The following RAB40C variants were observed in gnomAD, a reference collection of about 807,000 sequenced individuals.
RAB40C encodes ras-related protein Rab-40C.
A neutral mutation model predicts 28.1 loss-of-function variants in RAB40C; 8 were observed. The observed-to-expected ratio is 0.28, with a 90% CI of 0.17 to 0.51. RAB40C has a LOEUF of 0.51. Ranked by LOEUF, RAB40C falls within the 20% of genes least tolerant of loss-of-function variation. The pLI is 0.97. For synonymous variants in RAB40C, 201 were observed against 171.7 expected (o/e 1.17, Z -1.34); for missense variants, 288 against 405.9 (o/e 0.71, Z 2.50).
chr16:620,265 C>T (rs529400224), intron 3 of RAB40C, among the ~76,000 whole-genome samples: 23 of 152,064 alleles, frequency 1.5e-4, no homozygotes, highest in Non-Finnish European at 2.6e-4. Context: ...TGGTGGCGGG[C>T]GCTTATAATC....
At chr16:619,084 G>A (rs62030915) in intron 3 of RAB40C, among the ~76,000 whole-genome samples, 4,541 of 100,770 alleles carry the variant, frequency 0.045, no homozygotes, top group East Asian at 0.076. Flanking sequence ...GGCCATGTGT[G>A]TGTGCAGGCA....
intron 1 of RAB40C, among the ~76,000 whole-genome samples, chr16:593,728 CT>C (rs773197492): frequency 6.6e-5 from 10 of 152,248 alleles, no homozygotes; most frequent in Non-Finnish European, 1.2e-4. Flanking sequence ...GTGGGAGCCC[CT>C]GTGAGCTCTT....
At chr16:595,236 G>A (rs974982608) in intron 1 of RAB40C, among the ~76,000 whole-genome samples, 4 of 152,204 alleles carry the variant, frequency 2.6e-5, no homozygotes, top group Non-Finnish European at 5.9e-5. Context: ...ACCGGTGGGC[G>A]CTTTCCGCTG....
chr16:597,928 C>T (rs1231040231), intron 1 of RAB40C, among the ~76,000 whole-genome samples: 1 of 126,112 alleles, frequency 7.9e-6, no homozygotes, highest in East Asian at 2.7e-4. Flanking sequence ...CAGTGAGACC[C>T]CATCTCTACA....
At position 628,338 on chromosome 16, in the gene RAB40C, T is replaced by G. The variant is rs1567196649; in HGVS notation, c.*716T>G. 1 of 143,826 alleles carries G rather than the reference T, an allele frequency of 7.0e-6. No homozygotes were observed. Among genetic ancestry groups the G allele is most frequent in the East Asian group, 1.9e-4 (1 of 5,184 alleles). The allele number at this position is 143,826 out of a possible 1,614,324, so 8.9% of individuals were successfully genotyped here. A position where few individuals can be genotyped will look rare whatever the true frequency, so the allele number is the denominator to read the frequency against. ...AACCTTCCTGCTGTGATGTGACACC[T>G]TCGGGGACATTGACCACTCAAAACT... On this transcript the variant is annotated 3_prime_UTR_variant, in exon 6 of 6. Coordinates refer to ENST00000248139, the MANE Select transcript of RAB40C (RefSeq NM_021168.5).
At chr16:600,808 C>T (rs973327030) in intron 1 of RAB40C, among the ~76,000 whole-genome samples, 3 of 152,220 alleles carry the variant, frequency 2.0e-5, no homozygotes, top group Non-Finnish European at 2.9e-5. Flanking sequence ...CAGTTTAACA[C>T]ATAATTCATT....
intron 4 of RAB40C, 117 bp from the exon 5 acceptor site, chr16:625,782 C>T (rs1443564738): frequency 1.3e-5 from 14 of 1,106,170 alleles, no homozygotes; most frequent in Non-Finnish European, 1.6e-5. Context: ...CTCCGCCCAC[C>T]TTGACCTCCC....
rs901055849 is a variant in RAB40C, at chr16:610,555, A to G, written c.143-6653A>G. Reference sequence around the variant, plus strand: ...ATTTTTGAAAAGACATTTCAACAGGAGGTAAAAATGAACAGCACACCAAGA... The same window carrying G: ...ATTTTTGAAAAGACATTTCAACAGGGGGTAAAAATGAACAGCACACCAAGA... On this transcript the variant is annotated intron_variant, in intron 1 of 5. Coordinates refer to ENST00000248139, the MANE Select transcript of RAB40C (RefSeq NM_021168.5). The surrounding 1 kb of genome is among the most constrained non-coding windows in gnomAD (Gnocchi z 4.6). Among the ~76,000 whole-genome samples the G allele has an allele frequency of 6.6e-6, 1 of 152,122 alleles. No homozygotes were observed.
intron 1 of RAB40C, among the ~76,000 whole-genome samples, chr16:608,893 T>G (rs1281633536): frequency 6.6e-6 from 1 of 152,088 alleles, no homozygotes. Context: ...GGTGGGCAGA[T>G]TGCTTGAGCT....
At position 610,965 on chromosome 16, in the gene RAB40C, C is replaced by T. The variant is rs925770367; in HGVS notation, c.143-6243C>T. Among the ~76,000 whole-genome samples, 12 of 152,096 alleles carry T rather than the reference C, an allele frequency of 7.9e-5. No individual in the cohort carries two copies. Among genetic ancestry groups the T allele is most frequent in the Non-Finnish European group, 1.8e-4 (12 of 68,016 alleles). ...GGCTGACTGTGCTTAGAGAACAGGC[C>T]GCTGTTTGTGTCTAAATGGTATCCA... On this transcript the variant is annotated intron_variant, in intron 1 of 5. Coordinates refer to ENST00000248139, the MANE Select transcript of RAB40C (RefSeq NM_021168.5). This position sits in a 1 kb window ranked among gnomAD's most constrained non-coding sequence, Gnocchi z 4.6.
At chr16:618,993 C>T (rs1400972018) in intron 3 of RAB40C, among the ~76,000 whole-genome samples, 1 of 82,632 alleles carries the variant, frequency 1.2e-5, no homozygotes, top group Non-Finnish European at 2.2e-5. Flanking sequence ...GTCTGGCGGA[C>T]GCACTGGGGC....
intron 1 of RAB40C, among the ~76,000 whole-genome samples, chr16:592,490 GC>G (rs1440125972): frequency 6.6e-6 from 1 of 152,188 alleles, no homozygotes; most frequent in African/African-American, 2.4e-5. Flanking sequence ...GAAGTGTAAG[GC>G]CCACTGGGGC....
At position 627,805 on chromosome 16, in the gene RAB40C, G is replaced by C. The variant is rs372552772; in HGVS notation, c.*183G>C. 1.5e-6 allele frequency: 1 copy of C among 669,254 alleles called. No homozygotes were observed. 41.5% of individuals were successfully genotyped at this position (669,254 alleles called of 1,614,324 possible). A position where few individuals can be genotyped will look rare whatever the true frequency, so the allele number is the denominator to read the frequency against. ...CATGCACGGACCAAGCGCGGCAGGC[G>C]GGAGGAGGGGGCGCGGCTGGGCTGC... is the stretch of plus-strand genomic sequence containing the variant. On this transcript the variant is annotated 3_prime_UTR_variant, in exon 6 of 6. Coordinates refer to ENST00000248139, the MANE Select transcript of RAB40C (RefSeq NM_021168.5).
In RAB40C at chr16:626,076, G is replaced by A. The variant is rs2036824202; in HGVS notation, c.520G>A (p.Val174Met). The change falls in exon 5 of 6, where the codon GTG becomes ATG. Residue 174 changes from valine (V) to methionine (M), a missense_variant. Val to Met is a conservative substitution (Grantham distance 21). This residue lies in a region of RAB40C where 153 missense variants were observed against 262.4 expected (regional missense o/e 0.58). Transcript: ENST00000248139. The part of the protein sequence containing the change: ...IESFTELSRI[V>M]LMRHGMEKIW... ...GTCCTTCACGGAGCTATCCCGCATC[G>A]TGCTCATGCGGCACGGCATGGAGAA... 4 of 1,613,268 alleles carry A rather than the reference G, an allele frequency of 2.5e-6. No homozygotes were observed. Among genetic ancestry groups the A allele is most frequent in the Non-Finnish European group, 2.5e-6 (3 of 1,179,960 alleles).
At chr16:606,861 C>T (rs1055096986) in intron 1 of RAB40C, among the ~76,000 whole-genome samples, 4 of 152,190 alleles carry the variant, frequency 2.6e-5, no homozygotes, top group South Asian at 2.1e-4. Context: ...CAGATAATCC[C>T]GGATAATCTC....
At chr16:607,052 C>T (rs1299687174) in intron 1 of RAB40C, among the ~76,000 whole-genome samples, 5 of 152,204 alleles carry the variant, frequency 3.3e-5, no homozygotes, top group East Asian at 1.9e-4. Context: ...GTCCCACTTC[C>T]GAGCCGAGGG....
chr16:591,583 T>A (rs2035999393), intron 1 of RAB40C, among the ~76,000 whole-genome samples: 1 of 151,948 alleles, frequency 6.6e-6, no homozygotes, highest in African/African-American at 2.4e-5. Flanking sequence ...TTTTGTTTTC[T>A]TTTCTTTTCT....
intron 3 of RAB40C, among the ~76,000 whole-genome samples, chr16:623,691 G>A (rs2036770124): frequency 6.6e-6 from 1 of 151,350 alleles, no homozygotes; most frequent in Non-Finnish European, 1.5e-5. Context: ...TCACACCTCT[G>A]ATCCCAGCAC....
chr16:601,981 C>T (rs887943576), intron 1 of RAB40C, among the ~76,000 whole-genome samples: 4 of 152,026 alleles, frequency 2.6e-5, no homozygotes, highest in South Asian at 2.1e-4. Context: ...TAAAAGTTAG[C>T]GGGGTGTGGT....
Sources: allele counts gnomAD v4.1 joint callset (sites outside exome capture counted in the v4.1 genomes callset), GRCh38; gene constraint gnomAD v4.1.1; regional missense constraint gnomAD v4.1.1; non-coding constraint Gnocchi (gnomAD v3.1); transcripts MANE v1.5; gene names NCBI Gene and HGNC (gene_info 2026-07-23, HGNC 2026-07-21).